Variants in PARD3B observed in about 807,000 individuals in gnomAD.
PARD3B encodes partitioning defective 3 homolog B.
A neutral mutation model predicts 130.2 loss-of-function variants in PARD3B; 103 were observed. That is an observed-to-expected ratio of 0.79 (90% CI 0.67 to 0.93). The LOEUF (loss-of-function observed/expected upper bound fraction) is 0.93, where lower values mean the gene tolerates loss of function less well. Among genes scored for constraint, PARD3B ranks in the 40% least tolerant of loss-of-function variants. PARD3B has a pLI of 0.00. For missense variants in PARD3B, 1,609 were observed against 1,499.2 expected (o/e 1.07, Z -1.21); for synonymous variants, 583 against 553.2 (o/e 1.05, Z -0.76).
In PARD3B at chr2:205,358,900, C is replaced by T. The variant is rs1199828113; in HGVS notation, c.2631-42113C>T. ...CATCTTTCTTGTCTTAGACCCTGGT[C>T]ATGGGGCCGTATCATTCTTTCCTCT... On this transcript the variant is annotated intron_variant, in intron 18 of 22. Coordinates refer to ENST00000406610, the MANE Select transcript of PARD3B (RefSeq NM_001302769.2). 2.0e-5 allele frequency among the ~76,000 whole-genome samples: 3 copies of T among 152,296 alleles called. No individual in the cohort carries two copies. The East Asian group carries it at 5.8e-4, about 29-fold the overall frequency.
chr2:205,380,081 A>T (rs1051801974), intron 18 of PARD3B, among the ~76,000 whole-genome samples: 5 of 138,586 alleles, frequency 3.6e-5, no homozygotes, highest in African/African-American at 1.1e-4. Flanking sequence ...AAAAAAAAAA[A>T]ATATGTATAT....
intron 19 of PARD3B, among the ~76,000 whole-genome samples, chr2:205,436,926 G>A (rs573959806): frequency 6.6e-6 from 1 of 151,776 alleles, no homozygotes; most frequent in South Asian, 2.1e-4. Flanking sequence ...TTTAAGGTGG[G>A]AGACCTGCTC....
intron 1 of PARD3B, among the ~76,000 whole-genome samples, chr2:204,642,570 T>C (rs1204597187): frequency 2.0e-5 from 3 of 152,170 alleles, no homozygotes; most frequent in Non-Finnish European, 4.4e-5. Context: ...TATGAAGTTG[T>C]AGCTATCACA....
At chr2:205,481,187 T>A (rs2049222353) in intron 20 of PARD3B, among the ~76,000 whole-genome samples, 1 of 152,132 alleles carries the variant, frequency 6.6e-6, no homozygotes, top group Admixed American at 6.5e-5. Context: ...ATCTTAATTA[T>A]ATTGTTTTTA....
At chr2:204,652,529 C>T (rs1372972586) in intron 1 of PARD3B, among the ~76,000 whole-genome samples, 1 of 152,216 alleles carries the variant, frequency 6.6e-6, no homozygotes, top group African/African-American at 2.4e-5. Flanking sequence ...AACCATTCAA[C>T]AAGTATCTAG....
chr2:205,076,513 A>G (rs1701072868), intron 4 of PARD3B, among the ~76,000 whole-genome samples: 1 of 152,204 alleles, frequency 6.6e-6, no homozygotes, highest in Admixed American at 6.5e-5. Context: ...CTAGCTCTCT[A>G]GATTGGGGAT....
chr2:205,184,844 C>T (rs1418319427), intron 13 of PARD3B, among the ~76,000 whole-genome samples: 2 of 151,860 alleles, frequency 1.3e-5, no homozygotes, highest in African/African-American at 4.8e-5. Flanking sequence ...TTCTTGTTGC[C>T]ACTTGATGGC....
chr2:205,442,777 T>C (rs2047766012), intron 20 of PARD3B, among the ~76,000 whole-genome samples: 1 of 152,216 alleles, frequency 6.6e-6, no homozygotes, highest in Admixed American at 6.5e-5. Flanking sequence ...AACTAATCTA[T>C]GTCGACGTGA....
At chr2:205,132,408 C>T (rs762791792) in intron 10 of PARD3B, among the ~76,000 whole-genome samples, 2 of 152,184 alleles carry the variant, frequency 1.3e-5, no homozygotes, top group Non-Finnish European at 2.9e-5. Context: ...CAGTGAGCCT[C>T]GGCATTTTTC....
At chr2:205,529,711 G>A (rs1415140712) in intron 21 of PARD3B, among the ~76,000 whole-genome samples, 1 of 152,136 alleles carries the variant, frequency 6.6e-6, no homozygotes, top group East Asian at 1.9e-4. Flanking sequence ...ACATCCACAA[G>A]CCACTATCTG....
chr2:205,144,796 G>A (rs148096686), intron 10 of PARD3B, among the ~76,000 whole-genome samples: 1 of 152,126 alleles, frequency 6.6e-6, no homozygotes, highest in African/African-American at 2.4e-5. Context: ...GCATACTAAA[G>A]GGGATTGGTA....
At chr2:204,881,974 A>G (rs1364587530) in intron 2 of PARD3B, among the ~76,000 whole-genome samples, 1 of 152,156 alleles carries the variant, frequency 6.6e-6, no homozygotes, top group Non-Finnish European at 1.5e-5. Context: ...GAGATAGCTG[A>G]CACCCTTGAC....
At position 205,142,876 on chromosome 2, in the gene PARD3B, C is replaced by G. The variant is rs1381786669; in HGVS notation, c.1435-15846C>G. 1.3e-5 allele frequency among the ~76,000 whole-genome samples: 1 copy of G among 75,114 alleles called. No individual in the cohort carries two copies. The highest frequency in any genetic ancestry group is 4.4e-5 in the African/African-American group (1 of 22,904). The allele number at this position is 75,114 out of a possible 152,430, so 49.3% of individuals were successfully genotyped here. ...CTGGGTGACAGGATGAGACTTCGGT[C>G]TCAAAAAATAAATAAATAAATAAAT... is the stretch of plus-strand genomic sequence containing the variant. On this transcript the variant is annotated intron_variant, in intron 10 of 22. Transcript: ENST00000406610. This position sits in a 1 kb window ranked among gnomAD's most constrained non-coding sequence, Gnocchi z 4.3.
At chr2:204,836,997 A>C (rs1030410805) in intron 2 of PARD3B, among the ~76,000 whole-genome samples, 2 of 152,242 alleles carry the variant, frequency 1.3e-5, no homozygotes, top group South Asian at 2.1e-4. Context: ...AGGCCTCTAC[A>C]GAAACAGTAT....
In PARD3B at chr2:204,883,455, A is replaced by AT. The variant is rs1348171832; in HGVS notation, c.223-81686dup. Among the ~76,000 whole-genome samples, 607 of 77,242 alleles carry AT rather than the reference A, an allele frequency of 7.9e-3. 18 individuals carry two copies. The highest frequency in any genetic ancestry group is 0.047 in the East Asian group (122 of 2,602). 50.7% of individuals were successfully genotyped at this position (77,242 alleles called of 152,430 possible). ...ATAAAATATATATATATATATATAT[A>AT]TTTTTTTTTTTGAGACAGAGTCTCA... On this transcript the variant is annotated intron_variant, in intron 2 of 22. Coordinates refer to ENST00000406610, the MANE Select transcript of PARD3B (RefSeq NM_001302769.2).
At chr2:205,464,912 G>T (rs2048570412) in intron 20 of PARD3B, among the ~76,000 whole-genome samples, 1 of 152,138 alleles carries the variant, frequency 6.6e-6, no homozygotes, top group Non-Finnish European at 1.5e-5. Context: ...AGACCCCTCG[G>T]AAGCCTTAAG....
rs765847069 is a variant in PARD3B at position 205,119,047 on chromosome 2, G to A, written c.806+1G>A. 6.3e-7 allele frequency: 1 copy of A among 1,595,232 alleles called. No individual in the cohort carries two copies. The highest frequency in any genetic ancestry group is 8.5e-7 in the Non-Finnish European group (1 of 1,173,522). Reference sequence around the variant, plus strand: ...ATCTCGTAGACAAAACCTTTGCTCAGTAAGCATTTTTTCATTGTTTTATTT... The same window carrying A: ...ATCTCGTAGACAAAACCTTTGCTCAATAAGCATTTTTTCATTGTTTTATTT... On this transcript the variant is annotated splice_donor_variant, in intron 7 of 22. Coordinates refer to ENST00000406610, the MANE Select transcript of PARD3B (RefSeq NM_001302769.2). LOFTEE classifies it high-confidence loss of function.
intron 3 of PARD3B, among the ~76,000 whole-genome samples, chr2:204,971,962 G>A (rs1397214393): frequency 6.7e-6 from 1 of 150,312 alleles, no homozygotes; most frequent in Non-Finnish European, 1.5e-5. Flanking sequence ...TGGCTGTTTT[G>A]ATTTTTATTT....
At chr2:205,306,622 C>T (rs544991215) in intron 18 of PARD3B, among the ~76,000 whole-genome samples, 1 of 152,320 alleles carries the variant, frequency 6.6e-6, no homozygotes, top group Non-Finnish European at 1.5e-5. Context: ...GTAGAAATCA[C>T]AGGTCCTGGA....
Sources: allele counts gnomAD v4.1 joint callset (sites outside exome capture counted in the v4.1 genomes callset), GRCh38; gene constraint gnomAD v4.1.1; non-coding constraint Gnocchi (gnomAD v3.1); transcripts MANE v1.5; gene names NCBI Gene and HGNC (gene_info 2026-07-23, HGNC 2026-07-21).